The following RBM25 variants were observed in gnomAD, a reference collection of about 807,000 sequenced individuals.
RBM25 encodes the protein RNA-binding protein 25.
Under a neutral mutation model 120.7 loss-of-function variants are expected in RBM25, and 19 were observed. The observed-to-expected ratio is 0.16, with a 90% CI of 0.11 to 0.23. RBM25 has a LOEUF of 0.23. Among genes scored for constraint, RBM25 ranks in the 10% least tolerant of loss-of-function variants. RBM25 has a pLI of 1.00. For missense variants in RBM25, 605 were observed against 1,041.5 expected (o/e 0.58, Z 5.77); for synonymous variants, 390 against 326.7 (o/e 1.19, Z -2.09).
At chr14:73,080,594 TA>T (rs1163861080) in intron 4 of RBM25, among the ~76,000 whole-genome samples, 1 of 152,174 alleles carries the variant, frequency 6.6e-6, no homozygotes, top group Non-Finnish European at 1.5e-5. Flanking sequence ...ACCTTATTCC[TA>T]TTTCAATATG....
Position 73,110,884 on chromosome 14 carries a change from A to G in RBM25, c.1746A>G (p.Glu582=), listed in dbSNP as rs201988514. 2 of 1,613,216 alleles carry G rather than the reference A, an allele frequency of 1.2e-6. No homozygotes were observed. Among genetic ancestry groups the G allele is most frequent in the East Asian group, 2.2e-5 (1 of 44,882 alleles). The change falls in exon 15 of 19, where the codon GAA becomes GAG. Residue 582 remains glutamate, a synonymous_variant. Coordinates refer to ENST00000261973, the MANE Select transcript of RBM25 (RefSeq NM_021239.3). The part of the protein sequence containing the change: ...RRQPQIKQEP[E]SEEEEEEKQE... ...AGCCACAAATAAAGCAAGAGCCAGA[A>G]TCAGAAGAGGAGGAAGAAGAAAAGC...
intron 1 of RBM25, among the ~76,000 whole-genome samples, chr14:73,066,534 C>T (rs1895138667): frequency 6.6e-6 from 1 of 151,776 alleles, no homozygotes; most frequent in South Asian, 2.1e-4. Flanking sequence ...ACCTGTAATC[C>T]TAGCTACTTG....
chr14:73,096,122 C>T (rs746060590), intron 6 of RBM25, among the ~76,000 whole-genome samples: 1 of 152,132 alleles, frequency 6.6e-6, no homozygotes, highest in Non-Finnish European at 1.5e-5. Context: ...GAATTATAGG[C>T]ATGCACCACC....
At chr14:73,092,904 A>G (rs759535873) in intron 6 of RBM25, among the ~76,000 whole-genome samples, 11 of 152,312 alleles carry the variant, frequency 7.2e-5, no homozygotes, top group Admixed American at 1.3e-4. Context: ...CGCATGTGTA[A>G]GGTGTCTTGT....
intron 10 of RBM25, among the ~76,000 whole-genome samples, chr14:73,105,122 A>T (rs1052812270): frequency 5.8e-4 from 60 of 103,632 alleles, no homozygotes; most frequent in Middle Eastern, 4.8e-3. Flanking sequence ...GTTTGGTTTT[A>T]TTACTTTTTT....
chr14:73,068,578 AC>A, intron 1 of RBM25: 1 of 568,064 alleles, frequency 1.8e-6, no homozygotes, highest in Non-Finnish European at 3.3e-6. Context: ...TTGCCAGTGT[AC>A]GGTAGATCTG....
At chr14:73,098,691 G>A (rs1896000162) in intron 7 of RBM25, among the ~76,000 whole-genome samples, 2 of 151,794 alleles carry the variant, frequency 1.3e-5, no homozygotes, top group African/African-American at 2.4e-5. Context: ...TGCCCAGGCT[G>A]GAGTGCAGCA....
intron 9 of RBM25, 33 bp downstream of exon 9, chr14:73,099,783 C>A: frequency 6.4e-7 from 1 of 1,562,012 alleles, no homozygotes; most frequent in Non-Finnish European, 8.6e-7. Context: ...TGATACCAAT[C>A]TAGACTTTTT....
In RBM25 at chr14:73,112,260, CT is replaced by C; in HGVS notation, c.2391+11del. Reference sequence around the variant, plus strand: ...TTTTGTTTGTTCTAAGGTTAGTCTTCTATTCTCTTCCATGCCAGCATTTATT... The same window carrying C: ...TTTTGTTTGTTCTAAGGTTAGTCTTCATTCTCTTCCATGCCAGCATTTATT... On this transcript the variant is annotated intron_variant, in intron 17 of 18. Coordinates refer to ENST00000261973, the MANE Select transcript of RBM25 (RefSeq NM_021239.3). The C allele has an allele frequency of 6.4e-7, 1 of 1,559,066 alleles. No homozygotes were observed. The highest frequency in any genetic ancestry group is 8.6e-7 in the Non-Finnish European group (1 of 1,161,962).
intron 6 of RBM25, among the ~76,000 whole-genome samples, chr14:73,096,210 C>T (rs1895938992): frequency 6.6e-6 from 1 of 152,138 alleles, no homozygotes; most frequent in African/African-American, 2.4e-5. Context: ...CTCCTGACCT[C>T]ATGATCCGCC....
At position 73,097,184 on chromosome 14, in the gene RBM25, CTTTTTTCTTTTCTTTTTTT is replaced by C. The variant is rs960466035; in HGVS notation, c.729+91_729+109del. 1.2e-4 allele frequency: 23 copies of C among 187,914 alleles called. No homozygotes were observed. In the South Asian group the frequency reaches 4.4e-3, roughly 36 times the overall value. The allele number at this position is 187,914 out of a possible 1,614,324, so 11.6% of individuals were successfully genotyped here. A position where few individuals can be genotyped will look rare whatever the true frequency, so the allele number is the denominator to read the frequency against. On this transcript the variant is annotated intron_variant, in intron 7 of 18. Transcript: ENST00000261973. ...TATACTTTGATTACATGTCAGTTTT[CTTTTTTCTTTTCTTTTTTT>C]TTTTTTTTTTTTTTTGAGATGGAGG...
intron 1 of RBM25, among the ~76,000 whole-genome samples, chr14:73,063,859 C>T: frequency 6.6e-6 from 1 of 151,378 alleles, no homozygotes; most frequent in East Asian, 1.9e-4. Flanking sequence ...TGTTTATTTA[C>T]ATTGTGTTAC....
At position 73,104,562 on chromosome 14, in the gene RBM25, T is replaced by G. The variant is rs556644492; in HGVS notation, c.1154+1084T>G. Among the ~76,000 whole-genome samples the G allele has an allele frequency of 1.1e-4, 17 of 152,052 alleles. 1 individual carries two copies. In the East Asian group the frequency reaches 3.1e-3, roughly 28 times the overall value. On this transcript the variant is annotated intron_variant, in intron 10 of 18. Transcript: ENST00000261973. ...TGTATTTTTTTTGTAGAGTCTAGGT[T>G]TTGCTATGTTGCCCAGCTGGTCTCG...
chr14:73,116,070 TTG>T (rs908094793), intron 18 of RBM25, among the ~76,000 whole-genome samples: 2 of 151,740 alleles, frequency 1.3e-5, no homozygotes, highest in African/African-American at 4.9e-5. Flanking sequence ...GTCCATGGAG[TTG>T]TTTTTTTTTT....
intron 4 of RBM25, among the ~76,000 whole-genome samples, chr14:73,078,749 C>A (rs146218321): frequency 6.6e-6 from 1 of 152,114 alleles, no homozygotes; most frequent in East Asian, 1.9e-4. Flanking sequence ...GGATTACAGG[C>A]GCGTGCCATG....
At chr14:73,117,672 A>G (rs984130344) in intron 18 of RBM25, among the ~76,000 whole-genome samples, 1 of 152,224 alleles carries the variant, frequency 6.6e-6, no homozygotes, top group African/African-American at 2.4e-5. Flanking sequence ...AGGTGAGGGA[A>G]CTGAGGCTCA....
chr14:73,072,172 A>G lies in RBM25; in HGVS notation c.106+425A>G, dbSNP rs748738424. On this transcript the variant is annotated intron_variant, in intron 2 of 18. Coordinates refer to ENST00000261973, the MANE Select transcript of RBM25 (RefSeq NM_021239.3). The stretch of plus-strand genomic sequence containing the variant: ...TTTTTAGTAGAGACAGGGTTTTGCT[A>G]TGTTGGCCAGGCTGGTCTCGAACTC... Among the ~76,000 whole-genome samples, 21 of 152,164 alleles carry G rather than the reference A, an allele frequency of 1.4e-4. No homozygotes were observed. In the East Asian group the frequency reaches 1.5e-3, roughly 11 times the overall value.
chr14:73,099,507 G>T lies in RBM25; in HGVS notation c.783+74G>T, dbSNP rs1896018293. ...GTTGATTTGTCATTCTTGTCTATCT[G>T]ATTTTTCACTATTTAACTTTAGATT... On this transcript the variant is annotated intron_variant, in intron 8 of 18. Coordinates refer to ENST00000261973, the MANE Select transcript of RBM25 (RefSeq NM_021239.3). 6.9e-6 allele frequency: 11 copies of T among 1,585,332 alleles called. No individual in the cohort carries two copies. The Admixed American group carries it at 2.1e-4, about 30-fold the overall frequency.
chr14:73,078,908 TTAATA>T (rs1895489649), intron 4 of RBM25, among the ~76,000 whole-genome samples: 1 of 152,206 alleles, frequency 6.6e-6, no homozygotes, highest in African/African-American at 2.4e-5. Context: ...CTGGCTAGGG[TTAATA>T]TTTTGAGACT....
Sources: allele counts gnomAD v4.1 joint callset (sites outside exome capture counted in the v4.1 genomes callset), GRCh38; gene constraint gnomAD v4.1.1; transcripts MANE v1.5; gene names NCBI Gene and HGNC (gene_info 2026-07-23, HGNC 2026-07-21).